The following CARD8 variants were observed in gnomAD, a reference collection of about 807,000 sequenced individuals.
CARD8 encodes the protein caspase recruitment domain-containing protein 8.
CARD8 carries 38 observed loss-of-function variants against 53.2 expected under a neutral mutation model. That is an observed-to-expected ratio of 0.71 (90% CI 0.55 to 0.94). The LOEUF is 0.94. CARD8 is among the 40% of genes least tolerant of loss of function. The pLI is 0.00. For synonymous variants in CARD8, 245 were observed against 244.9 expected, an observed-to-expected ratio of 1.00 and a Z score of 0.00; for missense variants, 561 against 655.5, an observed-to-expected ratio of 0.86 and a Z score of 1.57.
chr19:48,237,188 C>T (rs964722513), intron 5 of CARD8, among the ~76,000 whole-genome samples: 1 of 151,858 alleles, frequency 6.6e-6, no homozygotes, highest in Non-Finnish European at 1.5e-5. Flanking sequence ...ATGGGACCAG[C>T]TTCTGCTTGG....
chr19:48,235,854 A>T (rs951245616), intron 5 of CARD8, among the ~76,000 whole-genome samples: 9 of 152,218 alleles, frequency 5.9e-5, no homozygotes, highest in Non-Finnish European at 7.3e-5. Flanking sequence ...GCAAAAAAAA[A>T]GAAAGAAAAT....
intron 3 of CARD8, among the ~76,000 whole-genome samples, chr19:48,245,649 C>G (rs1199661537): frequency 6.6e-6 from 1 of 151,724 alleles, no homozygotes; most frequent in Non-Finnish European, 1.5e-5. Context: ...CTACATGACC[C>G]ATATAATGCT....
At chr19:48,235,123 A>C (rs1237184103) in intron 5 of CARD8, among the ~76,000 whole-genome samples, 1 of 152,122 alleles carries the variant, frequency 6.6e-6, no homozygotes, top group Non-Finnish European at 1.5e-5. Flanking sequence ...TATTGTACAC[A>C]CTTTCTTTTC....
chr19:48,251,839 T>C (rs1426886677), intron 1 of CARD8, among the ~76,000 whole-genome samples: 1 of 152,196 alleles, frequency 6.6e-6, no homozygotes, highest in Admixed American at 6.6e-5. Flanking sequence ...CAGTCTCCTC[T>C]GCAGACACCG....
At position 48,208,264 on chromosome 19, in the gene CARD8, A is replaced by G. The variant is rs969336075; in HGVS notation, c.*3446T>C. ...GGATGGAGCTGCAGAATCTGAGCAT[A>G]TAAAGACTTTTATGAATTCTAACGC... On this transcript the variant is annotated 3_prime_UTR_variant, in exon 14 of 14. Coordinates refer to ENST00000651546, the MANE Select transcript of CARD8 (RefSeq NM_001184900.3). The G allele has an allele frequency of 6.6e-6, 1 of 152,212 alleles. No individual in the cohort carries two copies. The highest frequency in any genetic ancestry group is 1.5e-5 in the Non-Finnish European group (1 of 68,042). 9.4% of individuals were successfully genotyped at this position (152,212 alleles called of 1,614,324 possible). A position where few individuals can be genotyped will look rare whatever the true frequency, so the allele number is the denominator to read the frequency against.
chr19:48,206,289 T>C (rs934993321), downstream of CARD8: 8 of 356,078 alleles, frequency 2.2e-5, no homozygotes, highest in Non-Finnish European at 4.0e-5. Flanking sequence ...AGTTGTATAG[T>C]TGCATTTCAA....
intron 1 of CARD8, among the ~76,000 whole-genome samples, chr19:48,251,863 C>T (rs1305826709): frequency 6.6e-6 from 1 of 152,096 alleles, no homozygotes; most frequent in African/African-American, 2.4e-5. Flanking sequence ...GAGAGCCCAG[C>T]GTCTGCACAG....
intron 5 of CARD8, among the ~76,000 whole-genome samples, chr19:48,235,627 T>C (rs969056614): frequency 2.0e-5 from 3 of 152,148 alleles, no homozygotes; most frequent in African/African-American, 7.2e-5. Flanking sequence ...CAAGAAATCC[T>C]TCCACCTTGG....
At chr19:48,236,755 G>T (rs1199920615) in intron 5 of CARD8, among the ~76,000 whole-genome samples, 2 of 152,030 alleles carry the variant, frequency 1.3e-5, no homozygotes, top group African/African-American at 4.8e-5. Flanking sequence ...ATGACTGTTT[G>T]TATTGGGTCA....
At chr19:48,250,416 TAG>T (rs1266887901) in intron 1 of CARD8, among the ~76,000 whole-genome samples, 3 of 152,174 alleles carry the variant, frequency 2.0e-5, no homozygotes, top group Non-Finnish European at 2.9e-5. Context: ...GTGGGTTTTG[TAG>T]AGTCTTTTTC....
chr19:48,216,531 C>A (rs369993705), intron 12 of CARD8, among the ~76,000 whole-genome samples: 2 of 152,222 alleles, frequency 1.3e-5, no homozygotes, highest in East Asian at 3.9e-4. Flanking sequence ...TCATCCAACC[C>A]TGCAATGTGC....
chr19:48,238,898 G>A (rs544307825), intron 4 of CARD8, among the ~76,000 whole-genome samples: 81 of 152,286 alleles, frequency 5.3e-4, no homozygotes, highest in African/African-American at 1.9e-3. Flanking sequence ...TGAACTAACT[G>A]CATTGCTGTT....
At chr19:48,247,035 C>G (rs2046231179) in intron 3 of CARD8, among the ~76,000 whole-genome samples, 2 of 152,136 alleles carry the variant, frequency 1.3e-5, no homozygotes, top group South Asian at 4.1e-4. Context: ...TTCATAAATA[C>G]AATTGAGGCC....
intron 11 of CARD8, among the ~76,000 whole-genome samples, chr19:48,220,668 C>T: frequency 6.6e-6 from 1 of 152,024 alleles, no homozygotes; most frequent in East Asian, 1.9e-4. Context: ...AATCTCAGCA[C>T]TTTGGGAGGC....
chr19:48,209,135 A>C lies in CARD8; in HGVS notation c.*2575T>G, dbSNP rs2037638907. 6.6e-6 allele frequency: 1 copy of C among 151,742 alleles called. No homozygotes were observed. Among genetic ancestry groups the C allele is most frequent in the Admixed American group, 6.6e-5 (1 of 15,178 alleles). The allele number at this position is 151,742 out of a possible 1,614,324, so 9.4% of individuals were successfully genotyped here. A position where few individuals can be genotyped will look rare whatever the true frequency, so the allele number is the denominator to read the frequency against. On this transcript the variant is annotated 3_prime_UTR_variant, in exon 14 of 14. Transcript: ENST00000651546. ...CATAGCAAAACTCTGTCTCTACTAA[A>C]AATACAAAAAATTAGCTGGGCTGTG...
rs532471195 is a variant in CARD8 at position 48,226,959 on chromosome 19, G to T, written c.1035+3479C>A. 3.3e-5 allele frequency among the ~76,000 whole-genome samples: 5 copies of T among 151,930 alleles called. No individual in the cohort carries two copies. The South Asian group carries it at 8.3e-4, about 25-fold the overall frequency. On this transcript the variant is annotated intron_variant, in intron 10 of 13. Transcript: ENST00000651546. Reference sequence around the variant, plus strand: ...AATAAAAAAATACAAATAGCTGGGCGTGGTGGCAGACACCATAATCCCGGT... The same window carrying T: ...AATAAAAAAATACAAATAGCTGGGCTTGGTGGCAGACACCATAATCCCGGT...
At chr19:48,218,681 C>G (rs1257554445) in intron 12 of CARD8, among the ~76,000 whole-genome samples, 190 bp downstream of exon 12, 2 of 152,050 alleles carry the variant, frequency 1.3e-5, no homozygotes, top group African/African-American at 4.8e-5. Flanking sequence ...GATGTTCTCC[C>G]TTCCCACATC....
rs2037695070 is a variant in CARD8, at chr19:48,209,577, G to A, written c.*2133C>T. 1.3e-5 allele frequency: 2 copies of A among 152,050 alleles called. No homozygotes were observed. Among genetic ancestry groups the A allele is most frequent in the South Asian group, 4.1e-4 (2 of 4,834 alleles). 9.4% of individuals were successfully genotyped at this position (152,050 alleles called of 1,614,324 possible). A position where few individuals can be genotyped will look rare whatever the true frequency, so the allele number is the denominator to read the frequency against. On this transcript the variant is annotated 3_prime_UTR_variant, in exon 14 of 14. Coordinates refer to ENST00000651546, the MANE Select transcript of CARD8 (RefSeq NM_001184900.3). ...TAAGTAGAATATCAGGGACATTTAG[G>A]AAAACATAAAAGTCTAACATTTCCA...
rs537399501 is a variant in CARD8 at position 48,209,751 on chromosome 19, T to A, written c.*1959A>T. 1 of 152,476 alleles carries A rather than the reference T, an allele frequency of 6.6e-6. No individual in the cohort carries two copies. The highest frequency in any genetic ancestry group is 2.1e-4 in the South Asian group (1 of 4,830). The allele number at this position is 152,476 out of a possible 1,614,324, so 9.4% of individuals were successfully genotyped here. A position where few individuals can be genotyped will look rare whatever the true frequency, so the allele number is the denominator to read the frequency against. On this transcript the variant is annotated 3_prime_UTR_variant, in exon 14 of 14. Transcript: ENST00000651546. Reference sequence around the variant, plus strand: ...ATTCCACTATTCATCAAAATTTTCATCTATTCTCAAGACTGTTGATTTCAA... The same window carrying A: ...ATTCCACTATTCATCAAAATTTTCAACTATTCTCAAGACTGTTGATTTCAA...
Sources: gnomAD v4.1 joint callset for allele counts (sites outside exome capture counted in the v4.1 genomes callset) on GRCh38, gnomAD v4.1.1 for gene constraint, MANE v1.5 for transcripts, NCBI Gene and HGNC (gene_info 2026-07-23, HGNC 2026-07-21) for gene names.